AGBL1: variants seen among roughly 807,000 people sequenced by gnomAD.
AGBL1 encodes the protein cytosolic carboxypeptidase 4.
Under a neutral mutation model 118.9 loss-of-function variants are expected in AGBL1, and 130 were observed. The ratio of observed to expected loss-of-function variants is 1.09; its 90% CI spans 0.95 to 1.26. The LOEUF (loss-of-function observed/expected upper bound fraction) is 1.26. AGBL1 is among the 50% of genes most tolerant of loss of function. The pLI, the probability that AGBL1 is intolerant of heterozygous loss-of-function variation, is 0.00. For missense variants in AGBL1, 1,584 were observed against 1,298.1 expected (o/e 1.22, Z -3.38); for synonymous variants, 555 against 478.9 (o/e 1.16, Z -2.08).
At chr15:86,883,488 C>T (rs537609164) in intron 22 of AGBL1, among the ~76,000 whole-genome samples, 9 of 152,200 alleles carry the variant, frequency 5.9e-5, no homozygotes, top group South Asian at 2.1e-4. Flanking sequence ...GAAAATCTCA[C>T]GTGTTCCTCT....
intron 5 of AGBL1, chr15:86,173,252 C>G (rs919990279): frequency 5.3e-5 from 8 of 152,188 alleles, no homozygotes; most frequent in African/African-American, 1.7e-4. Flanking sequence ...TCTCTACCAA[C>G]ATAGGCTTCA....
intron 22 of AGBL1, among the ~76,000 whole-genome samples, chr15:86,721,149 T>A (rs2086713468): frequency 6.6e-6 from 1 of 152,270 alleles, no homozygotes; most frequent in East Asian, 1.9e-4. Flanking sequence ...ACTCATTTAA[T>A]GAGGCCAGCA....
rs1429206623 is a variant in AGBL1 at position 86,625,364 on chromosome 15, C to CCTTTTTTTTTTTTTTTTTT, written c.2995-48909_2995-48908insCTTTTTTTTTTTTTTTTTT. Among the ~76,000 whole-genome samples the CCTTTTTTTTTTTTTTTTTT allele has an allele frequency of 1.8e-4, 12 of 68,290 alleles. 6 individuals carry two copies. Among genetic ancestry groups the CCTTTTTTTTTTTTTTTTTT allele is most frequent in the Non-Finnish European group, 1.7e-4 (6 of 35,666 alleles). The allele number at this position is 68,290 out of a possible 152,430, so 44.8% of individuals were successfully genotyped here. On this transcript the variant is annotated intron_variant, in intron 21 of 22. Transcript: ENST00000614907. Reference sequence around the variant, plus strand: ...CAGCCTCCAAGGTAGAAGAAATTAGCGTTTTTTTTTTTTTGTTTTTGTTTT... The same window carrying CCTTTTTTTTTTTTTTTTTT: ...CAGCCTCCAAGGTAGAAGAAATTAGCCTTTTTTTTTTTTTTTTTTGTTTTTTTTTTTTTGTTTTTGTTTT...
In AGBL1 at chr15:86,190,462, A is replaced by T. The variant is rs990756842; in HGVS notation, c.488+31436A>T. 3.3e-5 allele frequency among the ~76,000 whole-genome samples: 5 copies of T among 152,204 alleles called. 1 individual carries two copies. The East Asian group carries it at 9.6e-4, about 29-fold the overall frequency. On this transcript the variant is annotated intron_variant, in intron 5 of 22. Coordinates refer to ENST00000614907, the MANE Select transcript of AGBL1 (RefSeq NM_001386094.1). The stretch of plus-strand genomic sequence containing the variant: ...ATTCTTCATATTTTATGTTAAAGTA[A>T]TAAAATGTCTATAATTTTTTAAAAA...
In AGBL1 at chr15:87,022,924, C is replaced by G. The variant is rs180751338; in HGVS notation, c.3324-5901C>G. Among the ~76,000 whole-genome samples, 348 of 152,162 alleles carry G rather than the reference C, an allele frequency of 2.3e-3. 1 individual carries two copies. The highest frequency in any genetic ancestry group is 0.01 in the Middle Eastern group (3 of 294). ...AAACAAATGCTGAGAGAATTTACCA[C>G]TACCATGCCACCACTACAAGAACTG... On this transcript the variant is annotated intron_variant, in intron 24 of 24. Coordinates refer to the AGBL1 transcript ENST00000441037.
intron 22 of AGBL1, among the ~76,000 whole-genome samples, chr15:86,711,427 C>T (rs1470180580): frequency 6.6e-6 from 1 of 152,184 alleles, no homozygotes; most frequent in Non-Finnish European, 1.5e-5. Context: ...TAATTCTCTG[C>T]ATCGTGCCAG....
intron 22 of AGBL1, among the ~76,000 whole-genome samples, chr15:86,904,309 C>G (rs13380259): frequency 1.3e-5 from 2 of 151,738 alleles, no homozygotes; most frequent in Non-Finnish European, 2.9e-5. Flanking sequence ...TTTTTCTCTC[C>G]CTACTCCATC....
At chr15:86,765,416 G>A (rs2078082950) in intron 22 of AGBL1, among the ~76,000 whole-genome samples, 1 of 151,962 alleles carries the variant, frequency 6.6e-6, no homozygotes, top group Non-Finnish European at 1.5e-5. Flanking sequence ...CAACTGACAG[G>A]CTCTGCTATG....
At chr15:86,670,821 T>A (rs1181930060) in intron 21 of AGBL1, among the ~76,000 whole-genome samples, 1 of 152,172 alleles carries the variant, frequency 6.6e-6, no homozygotes, top group African/African-American at 2.4e-5. Flanking sequence ...TCAGTACTTA[T>A]GCTATTTAGA....
At chr15:86,473,588 T>G (rs1176932513) in intron 18 of AGBL1, among the ~76,000 whole-genome samples, 1 of 152,236 alleles carries the variant, frequency 6.6e-6, no homozygotes, top group Admixed American at 6.5e-5. Context: ...GTACATACTT[T>G]GTGTTAATGT....
At chr15:86,597,434 G>T (rs1017030604) in intron 21 of AGBL1, among the ~76,000 whole-genome samples, 8 of 152,130 alleles carry the variant, frequency 5.3e-5, no homozygotes, top group African/African-American at 1.7e-4. Flanking sequence ...TTATACCAGA[G>T]AAATTGGAAA....
At chr15:86,938,520 T>A (rs1269831977) in intron 23 of AGBL1, among the ~76,000 whole-genome samples, 4 of 152,180 alleles carry the variant, frequency 2.6e-5, no homozygotes, top group Admixed American at 1.3e-4. Context: ...CTGAACGTAT[T>A]TCCAACTAAT....
intron 18 of AGBL1, among the ~76,000 whole-genome samples, chr15:86,420,571 ACTC>A (rs1302057490): frequency 6.6e-6 from 1 of 152,002 alleles, no homozygotes; most frequent in African/African-American, 2.4e-5. Context: ...AAACCTCACA[ACTC>A]CTCACCAGCA....
At chr15:86,402,019 A>C (rs2081454199) in intron 18 of AGBL1, among the ~76,000 whole-genome samples, 1 of 150,268 alleles carries the variant, frequency 6.7e-6, no homozygotes, top group Non-Finnish European at 1.5e-5. Flanking sequence ...AATTACATTG[A>C]GTCTGTAGAC....
At chr15:86,769,202 G>GGAGA (rs56130631) in intron 22 of AGBL1, among the ~76,000 whole-genome samples, 2,907 of 143,576 alleles carry the variant, frequency 0.02, 64 homozygotes, top group East Asian at 0.059. Context: ...AGAGAAAGAG[G>GGAGA]GAGAGAGAGA....
At chr15:86,264,116 T>C (rs1401355320) in intron 10 of AGBL1, 142 bp from the exon 11 acceptor site, 1 of 695,018 alleles carries the variant, frequency 1.4e-6, no homozygotes, top group Non-Finnish European at 2.4e-6. Context: ...TGAAGGTTAG[T>C]CTTTAGTTGA....
At chr15:86,698,624 T>C (rs1474657583) in intron 22 of AGBL1, among the ~76,000 whole-genome samples, 1 of 151,672 alleles carries the variant, frequency 6.6e-6, no homozygotes, top group South Asian at 2.1e-4. Flanking sequence ...TTTTTTTTTT[T>C]TAAAAAGAGA....
In AGBL1 at chr15:86,883,023, G is replaced by A. The variant is rs2079917812; in HGVS notation, c.3159-24064G>A. Among the ~76,000 whole-genome samples, 3 of 152,256 alleles carry A rather than the reference G, an allele frequency of 2.0e-5. No homozygotes were observed. The South Asian group carries it at 6.2e-4, about 32-fold the overall frequency. On this transcript the variant is annotated intron_variant, in intron 22 of 22. Transcript: ENST00000614907. Reference sequence around the variant, plus strand: ...AGAGGAGTTGCAGAGTTGCTTGGTAGTTAGTATTCTTCACTTTACTTTATG... The same window carrying A: ...AGAGGAGTTGCAGAGTTGCTTGGTAATTAGTATTCTTCACTTTACTTTATG...
intron 18 of AGBL1, among the ~76,000 whole-genome samples, chr15:86,433,573 G>C (rs1457820275): frequency 1.3e-5 from 2 of 152,104 alleles, no homozygotes; most frequent in Non-Finnish European, 2.9e-5. Context: ...TTCTTGGAGA[G>C]AGAAGTGTGT....
Sources: allele counts gnomAD v4.1 joint callset (sites outside exome capture counted in the v4.1 genomes callset), GRCh38; gene constraint gnomAD v4.1.1; transcripts MANE v1.5; gene names NCBI Gene and HGNC (gene_info 2026-07-23, HGNC 2026-07-21).